STX1B: variants seen among roughly 807,000 people sequenced by gnomAD.
The protein encoded by STX1B is syntaxin-1B.
Under a neutral mutation model 39.4 loss-of-function variants are expected in STX1B, and 7 were observed. The observed-to-expected ratio is 0.18, with a 90% CI of 0.10 to 0.33. The LOEUF is 0.33. Ranked by LOEUF, STX1B falls within the 10% of genes least tolerant of loss-of-function variation. The pLI is 1.00. For missense variants in STX1B, 198 were observed against 383.2 expected, an observed-to-expected ratio of 0.52 and a Z score of 4.04; for synonymous variants, 136 against 144.1, an observed-to-expected ratio of 0.94 and a Z score of 0.40.
At position 31,005,762 on chromosome 16, in the gene STX1B, C is replaced by T. The variant is rs183120472; in HGVS notation, c.31-4159G>A. On this transcript the variant is annotated intron_variant, in intron 1 of 9. Transcript: ENST00000215095. ...CAAACTCAGGCACTCTGCTCTACAG[C>T]GCACAGCTCCTTGAGCACTTGAGAG... 3.0e-3 allele frequency among the ~76,000 whole-genome samples: 452 copies of T among 152,286 alleles called. 1 individual carries two copies. The highest frequency in any genetic ancestry group is 5.3e-3 in the Non-Finnish European group (358 of 68,014).
intron 5 of STX1B, among the ~76,000 whole-genome samples, 199 bp downstream of exon 5, chr16:30,997,303 C>T (rs1401305002): frequency 1.3e-5 from 2 of 152,200 alleles, no homozygotes; most frequent in African/African-American, 2.4e-5. Context: ...ACTGCTACTG[C>T]GCTGAGATGC....
intron 1 of STX1B, among the ~76,000 whole-genome samples, chr16:31,003,846 A>G (rs1015935847): frequency 1.3e-5 from 2 of 152,202 alleles, no homozygotes; most frequent in Non-Finnish European, 2.9e-5. Context: ...TTTGATCCTC[A>G]GCACCACCAG....
intron 4 of STX1B, among the ~76,000 whole-genome samples, chr16:30,998,447 C>G (rs934100992): frequency 1.8e-4 from 28 of 152,226 alleles, no homozygotes; most frequent in Non-Finnish European, 1.5e-5. Context: ...CAACACATGG[C>G]CCAGGGATAT....
At chr16:31,003,592 T>C (rs1371239270) in intron 1 of STX1B, among the ~76,000 whole-genome samples, 9 of 152,140 alleles carry the variant, frequency 5.9e-5, no homozygotes, top group Non-Finnish European at 1.5e-5. Context: ...TCTGTGTCTC[T>C]CCCTTCCCCA....
chr16:30,995,139 C>T (rs902583495), intron 7 of STX1B, among the ~76,000 whole-genome samples: 3 of 151,750 alleles, frequency 2.0e-5, no homozygotes, highest in African/African-American at 7.3e-5. Flanking sequence ...TTTTTTAAAT[C>T]AAAAAAACAT....
chr16:30,996,924 G>C (rs1042943829), intron 6 of STX1B, 27 bp downstream of exon 6: 2 of 1,599,100 alleles, frequency 1.3e-6, no homozygotes, highest in African/African-American at 1.3e-5. Context: ...AAGGAGTTCG[G>C]GGTCCTGGGG....
chr16:30,993,487 A>C lies in STX1B; in HGVS notation c.538-3T>G. 1 of 1,613,514 alleles carries C rather than the reference A, an allele frequency of 6.2e-7. No individual in the cohort carries two copies. Among genetic ancestry groups the C allele is most frequent in the Non-Finnish European group, 8.5e-7 (1 of 1,179,976 alleles). On this transcript the variant is annotated splice_region_variant and splice_polypyrimidine_tract_variant and intron_variant, in intron 7 of 9. Transcript: ENST00000215095. The stretch of plus-strand genomic sequence containing the variant: ...GTCATCTGTGAGTCCATTTTGATCT[A>C]GGGTGACGAGGGAGAGAGCTACAAT...
chr16:31,006,576 G>T (rs1180035834), intron 1 of STX1B, among the ~76,000 whole-genome samples: 1 of 152,210 alleles, frequency 6.6e-6, no homozygotes, highest in Non-Finnish European at 1.5e-5. Context: ...GCAGGAGGGA[G>T]ATAAGCAGAA....
chr16:30,995,595 G>A (rs1596716049), intron 7 of STX1B, among the ~76,000 whole-genome samples: 1 of 151,622 alleles, frequency 6.6e-6, no homozygotes, highest in Non-Finnish European at 1.5e-5. Context: ...AGGTTCAAGT[G>A]ATCCTCCTGC....
chr16:31,005,470 C>CT (rs35407745), intron 1 of STX1B, among the ~76,000 whole-genome samples: 96,931 of 113,690 alleles, frequency 0.85, 43,114 homozygotes, highest in South Asian at 0.96. Flanking sequence ...TTTCTTTTTC[C>CT]TTTTTTTTTT....
At chr16:31,000,415 C>T (rs780135147) in intron 4 of STX1B, among the ~76,000 whole-genome samples, 5 of 151,196 alleles carry the variant, frequency 3.3e-5, no homozygotes, top group Admixed American at 6.6e-5. Flanking sequence ...TCACTGCAGC[C>T]TCGACCCCCT....
chr16:31,006,900 A>C (rs923997232), intron 1 of STX1B, among the ~76,000 whole-genome samples: 12 of 152,126 alleles, frequency 7.9e-5, no homozygotes, highest in Non-Finnish European at 1.3e-4. Context: ...GGATCATTTG[A>C]GGCCAGGAGT....
At chr16:31,006,022 CAG>C (rs1426108567) in intron 1 of STX1B, among the ~76,000 whole-genome samples, 3 of 152,172 alleles carry the variant, frequency 2.0e-5, no homozygotes, top group Admixed American at 6.5e-5. Flanking sequence ...AGTCAGTGAC[CAG>C]AGAGACAGAT....
rs1273196824 is a variant in STX1B, at chr16:30,992,047, G to A, written c.*774C>T. ...CAGGTGTCCAGTCCACAGTGTGGAG[G>A]GCTCTATCTGAGAAGACCTATCAAT... On this transcript the variant is annotated 3_prime_UTR_variant, in exon 10 of 10. Coordinates refer to ENST00000215095, the MANE Select transcript of STX1B (RefSeq NM_052874.5). The A allele has an allele frequency of 6.7e-6, 1 of 150,240 alleles. No individual in the cohort carries two copies. Among genetic ancestry groups the A allele is most frequent in the Non-Finnish European group, 1.5e-5 (1 of 67,666 alleles). The allele number at this position is 150,240 out of a possible 1,614,324, so 9.3% of individuals were successfully genotyped here. A position where few individuals can be genotyped will look rare whatever the true frequency, so the allele number is the denominator to read the frequency against.
intron 1 of STX1B, among the ~76,000 whole-genome samples, chr16:31,003,468 G>A (rs1179903080): frequency 6.6e-6 from 1 of 152,050 alleles, no homozygotes; most frequent in East Asian, 1.9e-4. Flanking sequence ...CCTTCCCCTA[G>A]AGCCAAAAGC....
intron 1 of STX1B, among the ~76,000 whole-genome samples, chr16:31,006,239 C>T (rs192641429): frequency 2.6e-5 from 4 of 152,260 alleles, no homozygotes; most frequent in African/African-American, 7.2e-5. Flanking sequence ...GCCCTTTCCC[C>T]CACCCTCTGC....
In STX1B at chr16:31,001,278, G is replaced by A; in HGVS notation, c.106-85C>T. 1 of 1,343,382 alleles carries A rather than the reference G, an allele frequency of 7.4e-7. No homozygotes were observed. Among genetic ancestry groups the A allele is most frequent in the South Asian group, 1.2e-5 (1 of 83,976 alleles). 83.2% of individuals were successfully genotyped at this position (1,343,382 alleles called of 1,614,324 possible). On this transcript the variant is annotated intron_variant, in intron 2 of 9. Coordinates refer to ENST00000215095, the MANE Select transcript of STX1B (RefSeq NM_052874.5). This position sits in a 1 kb window ranked among gnomAD's most constrained non-coding sequence, Gnocchi z 5.5. Reference sequence around the variant, plus strand: ...GGAACCAGCCAGGGTTCAGGGGAATGGACCAGCCCCAGAACGGCTGATAAA... The same window carrying A: ...GGAACCAGCCAGGGTTCAGGGGAATAGACCAGCCCCAGAACGGCTGATAAA...
At chr16:31,007,422 C>G (rs921615988) in intron 1 of STX1B, among the ~76,000 whole-genome samples, 5 of 152,188 alleles carry the variant, frequency 3.3e-5, no homozygotes, top group African/African-American at 1.2e-4. Context: ...CCCCTCCTGT[C>G]TTCTCCCATA....
At chr16:31,000,376 A>G (rs111591549) in intron 4 of STX1B, among the ~76,000 whole-genome samples, 2,560 of 146,066 alleles carry the variant, frequency 0.018, 66 homozygotes, top group African/African-American at 0.062. Context: ...TCTGTAACCC[A>G]GGCTGGAGTA....
Sources: gnomAD v4.1 joint callset for allele counts (sites outside exome capture counted in the v4.1 genomes callset) on GRCh38, gnomAD v4.1.1 for gene constraint, Gnocchi (gnomAD v3.1) non-coding constraint, MANE v1.5 for transcripts, NCBI Gene and HGNC (gene_info 2026-07-23, HGNC 2026-07-21) for gene names.